Variants in PTPRG observed in about 807,000 individuals in gnomAD.
PTPRG encodes protein tyrosine phosphatase receptor type G, also known as receptor-type tyrosine-protein phosphatase gamma.
In PTPRG, 102 loss-of-function variants were observed where a neutral mutation model predicts 165.3. The observed-to-expected ratio is 0.62, with a 90% confidence interval of 0.53 to 0.73. The LOEUF (loss-of-function observed/expected upper bound fraction) is 0.73. PTPRG is among the 30% of genes least tolerant of loss of function. The pLI, the probability that PTPRG is intolerant of heterozygous loss-of-function variation, is 0.00. For synonymous variants in PTPRG, 675 were observed against 669.5 expected (o/e 1.01, Z -0.13); for missense variants, 1,866 against 1,861.4 (o/e 1.00, Z -0.05).
At chr3:61,824,939 G>A (rs1019519493) in intron 2 of PTPRG, among the ~76,000 whole-genome samples, 5 of 152,220 alleles carry the variant, frequency 3.3e-5, no homozygotes, top group African/African-American at 1.2e-4. Flanking sequence ...GAAAACCCTT[G>A]TGGATATGTG....
intron 1 of PTPRG, among the ~76,000 whole-genome samples, chr3:61,725,552 T>C (rs543594975): frequency 6.6e-6 from 1 of 152,274 alleles, no homozygotes; most frequent in African/African-American, 2.4e-5. Context: ...CTCTATTCTG[T>C]TCCATTGATC....
At chr3:62,163,576 G>C (rs780267297) in intron 7 of PTPRG, among the ~76,000 whole-genome samples, 8 of 152,146 alleles carry the variant, frequency 5.3e-5, no homozygotes, top group Non-Finnish European at 1.0e-4. Flanking sequence ...GCATGTCATA[G>C]GTTTGATAAA....
chr3:61,572,532 T>C (rs1404482245), intron 1 of PTPRG, among the ~76,000 whole-genome samples: 1 of 151,808 alleles, frequency 6.6e-6, no homozygotes, highest in Non-Finnish European at 1.5e-5. Flanking sequence ...AAAGAAAAAA[T>C]AAATTAAAAA....
chr3:62,148,656 G>A (rs549387028), intron 6 of PTPRG, among the ~76,000 whole-genome samples: 4 of 152,196 alleles, frequency 2.6e-5, no homozygotes, highest in South Asian at 2.1e-4. Flanking sequence ...CCAGCTACTC[G>A]GGAGGCTGAG....
intron 6 of PTPRG, among the ~76,000 whole-genome samples, chr3:62,137,347 C>G (rs1703747528): frequency 6.6e-6 from 1 of 151,984 alleles, no homozygotes; most frequent in Non-Finnish European, 1.5e-5. Context: ...AAAAAAAAAT[C>G]CTGTTTGTGA....
intron 17 of PTPRG, among the ~76,000 whole-genome samples, chr3:62,266,613 G>A (rs1701883194): frequency 1.3e-5 from 2 of 151,672 alleles, no homozygotes; most frequent in Admixed American, 1.3e-4. Flanking sequence ...CTCAAAAATT[G>A]CTTGGTATAT....
intron 1 of PTPRG, among the ~76,000 whole-genome samples, chr3:61,578,248 A>G (rs1163042348): frequency 6.6e-6 from 1 of 152,236 alleles, no homozygotes; most frequent in Non-Finnish European, 1.5e-5. Context: ...TTTGAAAGGT[A>G]GAAGGGAACT....
At chr3:61,950,892 A>C (rs1350027292) in intron 2 of PTPRG, among the ~76,000 whole-genome samples, 1 of 152,220 alleles carries the variant, frequency 6.6e-6, no homozygotes, top group African/African-American at 2.4e-5. Flanking sequence ...GGATTTCTGG[A>C]AAAACTCATG....
Position 62,203,577 on chromosome 3 carries a change from G to A in PTPRG, c.1782G>A (p.Glu594=). The A allele has an allele frequency of 1.3e-6, 2 of 1,552,594 alleles. No individual in the cohort carries two copies. Among genetic ancestry groups the A allele is most frequent in the Non-Finnish European group, 1.7e-6 (2 of 1,147,416 alleles). ...EKSESEDGER[E]HEEDGEKDSE... Reference sequence around the variant, plus strand: ...GCGAGAGTGAGGATGGGGAGCGGGAGCACGAGGAGGATGGAGAGAAGGACT... The same window carrying A: ...GCGAGAGTGAGGATGGGGAGCGGGAACACGAGGAGGATGGAGAGAAGGACT... The change falls in exon 12 of 30, where the codon GAG becomes GAA. Residue 594 remains glutamate (E), a synonymous_variant. Coordinates refer to ENST00000474889, the MANE Select transcript of PTPRG (RefSeq NM_002841.4). This position sits in a 1 kb window ranked among gnomAD's most constrained non-coding sequence, Gnocchi z 6.4.
At chr3:61,618,140 G>A (rs972138145) in intron 1 of PTPRG, among the ~76,000 whole-genome samples, 3 of 152,178 alleles carry the variant, frequency 2.0e-5, no homozygotes, top group Non-Finnish European at 4.4e-5. Flanking sequence ...GCAGAGTAAA[G>A]ATAATAGTGG....
intron 1 of PTPRG, among the ~76,000 whole-genome samples, chr3:61,617,380 T>A (rs1297738760): frequency 6.6e-6 from 1 of 152,214 alleles, no homozygotes. Flanking sequence ...AGTCAGGGAC[T>A]TGTTCGGCAT....
intron 1 of PTPRG, among the ~76,000 whole-genome samples, chr3:61,677,244 CAAAAA>C (rs11426161): frequency 1.4e-5 from 1 of 71,558 alleles, no homozygotes; most frequent in African/African-American, 4.6e-5. Context: ...GACTCCGTCT[CAAAAA>C]AAAAAAAAAA....
intron 1 of PTPRG, among the ~76,000 whole-genome samples, chr3:61,639,017 G>A (rs1420280009): frequency 6.6e-6 from 1 of 152,014 alleles, no homozygotes; most frequent in African/African-American, 2.4e-5. Flanking sequence ...TGTTTCCTAG[G>A]TTTTCTTCTA....
intron 2 of PTPRG, among the ~76,000 whole-genome samples, chr3:61,844,491 A>T (rs935687090): frequency 1.1e-4 from 16 of 152,082 alleles, no homozygotes; most frequent in Admixed American, 3.9e-4. Context: ...TTAAGTGGGC[A>T]TCTGTTTTTG....
intron 4 of PTPRG, among the ~76,000 whole-genome samples, chr3:62,033,522 G>T (rs1218181240): frequency 7.1e-6 from 1 of 140,526 alleles, no homozygotes; most frequent in Non-Finnish European, 1.5e-5. Context: ...CACATACCAT[G>T]CCTATCTTCC....
chr3:61,647,515 G>T (rs1464602773), intron 1 of PTPRG, among the ~76,000 whole-genome samples: 2 of 152,186 alleles, frequency 1.3e-5, no homozygotes, highest in Non-Finnish European at 2.9e-5. Context: ...AATTGGCCGG[G>T]CACAGTGGCT....
At chr3:61,965,176 G>A (rs955498579) in intron 2 of PTPRG, among the ~76,000 whole-genome samples, 1 of 151,502 alleles carries the variant, frequency 6.6e-6, no homozygotes, top group African/African-American at 2.4e-5. Context: ...CCCGGGAGAC[G>A]GAGGTTACAT....
At chr3:61,918,562 G>C (rs868757368) in intron 2 of PTPRG, among the ~76,000 whole-genome samples, 3 of 152,262 alleles carry the variant, frequency 2.0e-5, no homozygotes, top group Middle Eastern at 6.8e-3. Flanking sequence ...ATAGGAAATA[G>C]TATGGAAAAG....
intron 4 of PTPRG, among the ~76,000 whole-genome samples, chr3:62,061,058 C>G (rs1220945700): frequency 6.6e-6 from 1 of 152,212 alleles, no homozygotes; most frequent in Non-Finnish European, 1.5e-5. Flanking sequence ...CTTGAACTCC[C>G]TGAATCTCCC....
Sources: gnomAD v4.1 joint callset for allele counts (sites outside exome capture counted in the v4.1 genomes callset) on GRCh38, gnomAD v4.1.1 for gene constraint, Gnocchi (gnomAD v3.1) non-coding constraint, MANE v1.5 for transcripts, NCBI Gene and HGNC (gene_info 2026-07-23, HGNC 2026-07-21) for gene names.